Variants in WWOX observed in about 807,000 individuals in gnomAD.
The protein encoded by WWOX is WW domain-containing oxidoreductase.
WWOX carries 69 observed loss-of-function variants against 46.2 expected under a neutral mutation model. The ratio of observed to expected loss-of-function variants is 1.49; its 90% confidence interval spans 1.23 to 1.82. WWOX has a LOEUF of 1.82. WWOX is among the 40% of genes most tolerant of loss of function. The probability of loss-of-function intolerance (pLI) is 0.00; values close to 1 mark genes in which losing one functional copy is unlikely to be tolerated. For missense variants in WWOX, 919 were observed against 542.6 expected, an observed-to-expected ratio of 1.69 and a Z score of -6.89; for synonymous variants, 359 against 202.6, an observed-to-expected ratio of 1.77 and a Z score of -6.56.
rs2048574006 is a variant in WWOX at position 78,716,827 on chromosome 16, C to T, written c.1056+284075C>T. On this transcript the variant is annotated intron_variant, in intron 8 of 8. Transcript: ENST00000566780. ...TCTTGGTCCATAGCCTGAGCTTACC[C>T]TCCCTACGCAACCACAGCTGTGTGC... Among the ~76,000 whole-genome samples the T allele has an allele frequency of 3.3e-5, 5 of 152,168 alleles. No homozygotes were observed. In the South Asian group the frequency reaches 1.0e-3, roughly 31 times the overall value.
chr16:78,554,573 C>A (rs895923751), intron 8 of WWOX, among the ~76,000 whole-genome samples: 1 of 151,978 alleles, frequency 6.6e-6, no homozygotes, highest in Non-Finnish European at 1.5e-5. Flanking sequence ...TGATACATAT[C>A]CATGCATATA....
At chr16:78,895,638 C>G (rs2044684896) in intron 8 of WWOX, 1 of 152,204 alleles carries the variant, frequency 6.6e-6, no homozygotes, top group Admixed American at 6.5e-5. Context: ...ATGCTGACCC[C>G]AAATGAGAAA....
At chr16:78,273,054 A>T (rs2079510900) in intron 5 of WWOX, among the ~76,000 whole-genome samples, 1 of 152,102 alleles carries the variant, frequency 6.6e-6, no homozygotes, top group Non-Finnish European at 1.5e-5. Context: ...TTCATTCATC[A>T]TTCCTTCATT....
intron 8 of WWOX, among the ~76,000 whole-genome samples, chr16:78,699,221 C>A (rs866760469): frequency 3.3e-5 from 5 of 152,164 alleles, no homozygotes; most frequent in African/African-American, 1.2e-4. Context: ...CTTTGGAAGG[C>A]CTAACTCAGT....
intron 8 of WWOX, among the ~76,000 whole-genome samples, chr16:78,498,872 T>C (rs2084983588): frequency 1.3e-5 from 2 of 152,166 alleles, no homozygotes; most frequent in African/African-American, 4.8e-5. Flanking sequence ...GGTCTGTTTT[T>C]TTTCCTTAAA....
At chr16:78,169,227 C>T (rs2035069971) in intron 5 of WWOX, among the ~76,000 whole-genome samples, 1 of 152,178 alleles carries the variant, frequency 6.6e-6, no homozygotes, top group Admixed American at 6.5e-5. Flanking sequence ...GCCAGTGTGG[C>T]TGGTGGAATA....
intron 8 of WWOX, chr16:78,897,790 AGT>A (rs1429341140): frequency 1.3e-5 from 2 of 152,184 alleles, no homozygotes; most frequent in Admixed American, 6.5e-5. Context: ...CCCCGCTAGA[AGT>A]GTGTAAGAGT....
In WWOX at chr16:78,922,827, C is replaced by T. The variant is rs1289286745; in HGVS notation, c.1057-288781C>T. On this transcript the variant is annotated intron_variant, in intron 8 of 8. Transcript: ENST00000566780. The stretch of plus-strand genomic sequence containing the variant: ...GGAACTGGAGCTTGGGGGTCCCAGT[C>T]CTGGGCACCATTGCTAAGTAATGTG... 3.3e-5 allele frequency among the ~76,000 whole-genome samples: 5 copies of T among 152,122 alleles called. No homozygotes were observed. In the South Asian group the frequency reaches 1.0e-3, roughly 32 times the overall value.
At chr16:78,772,064 CA>C (rs2050077750) in intron 8 of WWOX, among the ~76,000 whole-genome samples, 1 of 152,032 alleles carries the variant, frequency 6.6e-6, no homozygotes, top group Non-Finnish European at 1.5e-5. Flanking sequence ...ATTTTGGGTT[CA>C]GGGGTACATG....
intron 8 of WWOX, among the ~76,000 whole-genome samples, chr16:78,730,654 C>G (rs1175488969): frequency 2.2e-5 from 3 of 136,076 alleles, no homozygotes; most frequent in Admixed American, 8.2e-5. Flanking sequence ...GAGACAGGGT[C>G]TTGCTGTGTT....
chr16:79,017,731 A>T (rs1597283094), intron 8 of WWOX, among the ~76,000 whole-genome samples: 1 of 152,050 alleles, frequency 6.6e-6, no homozygotes, highest in South Asian at 2.1e-4. Context: ...AAACCAGTCT[A>T]AAAAAGCCAT....
chr16:79,212,057 T>G lies in WWOX; in HGVS notation c.*261T>G. ...GGTGGCCTGTTTGAAAGTAAAAACC[T>G]GCTTGGTGTGTAGGTTCCGTATCTC... On this transcript the variant is annotated 3_prime_UTR_variant, in exon 9 of 9. Coordinates refer to ENST00000566780, the MANE Select transcript of WWOX (RefSeq NM_016373.4). 2 of 1,536,428 alleles carry G rather than the reference T, an allele frequency of 1.3e-6. No individual in the cohort carries two copies. Among genetic ancestry groups the G allele is most frequent in the Non-Finnish European group, 1.7e-6 (2 of 1,146,936 alleles).
intron 5 of WWOX, among the ~76,000 whole-genome samples, chr16:78,374,526 AATTTTTTTTTTTTTTTTT>A (rs1567533530): frequency 2.3e-5 from 2 of 85,188 alleles, no homozygotes; most frequent in African/African-American, 4.9e-5. Flanking sequence ...TTCTGTCTTG[AATTTTTTTTTTTTTTTTT>A]TTTTTTTTTT....
intron 6 of WWOX, among the ~76,000 whole-genome samples, chr16:78,414,127 C>T (rs2082744483): frequency 6.6e-6 from 1 of 151,956 alleles, no homozygotes; most frequent in African/African-American, 2.4e-5. Context: ...CACCGAGCAC[C>T]TTGTGACCCC....
At chr16:78,109,631 C>G in intron 2 of WWOX, 147 bp from the exon 3 acceptor site, 1 of 755,956 alleles carries the variant, frequency 1.3e-6, no homozygotes, top group Non-Finnish European at 2.3e-6. Flanking sequence ...GCAGTTGGAA[C>G]ATGTGACGAA....
intron 8 of WWOX, chr16:78,757,095 C>G (rs1449357617): frequency 7.2e-6 from 5 of 695,324 alleles, no homozygotes; most frequent in African/African-American, 1.8e-5. Flanking sequence ...GCAATCTTGA[C>G]TGGAACTTTA....
At chr16:79,052,736 C>T (rs910512317) in intron 8 of WWOX, among the ~76,000 whole-genome samples, 1 of 152,198 alleles carries the variant, frequency 6.6e-6, no homozygotes, top group Admixed American at 6.5e-5. Flanking sequence ...GGCAAAACTG[C>T]TGGCGAGTGT....
chr16:78,465,467 A>G lies in WWOX; in HGVS notation c.1056+32715A>G, dbSNP rs932158560. Among the ~76,000 whole-genome samples, 6 of 152,306 alleles carry G rather than the reference A, an allele frequency of 3.9e-5. No homozygotes were observed. The South Asian group carries it at 8.3e-4, about 21-fold the overall frequency. On this transcript the variant is annotated intron_variant, in intron 8 of 8. Coordinates refer to ENST00000566780, the MANE Select transcript of WWOX (RefSeq NM_016373.4). ...AGTGCTGGGATTACAGGTGTGAGCC[A>G]CCACACCCAGCCTGGGGGAGGGTTT... is the stretch of plus-strand genomic sequence containing the variant.
chr16:78,725,808 A>G (rs1038453596), intron 8 of WWOX, among the ~76,000 whole-genome samples: 7 of 151,866 alleles, frequency 4.6e-5, no homozygotes, highest in African/African-American at 1.5e-4. Context: ...AGCTTTTGGC[A>G]TTGCGGGCGG....
Sources: gnomAD v4.1 joint callset for allele counts (sites outside exome capture counted in the v4.1 genomes callset) on GRCh38, gnomAD v4.1.1 for gene constraint, MANE v1.5 for transcripts, NCBI Gene and HGNC (gene_info 2026-07-23, HGNC 2026-07-21) for gene names.